The following SLC14A2 variants were observed in gnomAD, a reference collection of about 807,000 sequenced individuals.
The protein encoded by SLC14A2 is urea transporter 2.
Under a neutral mutation model 104.6 loss-of-function variants are expected in SLC14A2, and 91 were observed. That is an observed-to-expected ratio of 0.87 (90% confidence interval 0.73 to 1.04). SLC14A2 has a LOEUF of 1.04. SLC14A2 is among the 50% of genes least tolerant of loss of function. SLC14A2 has a pLI of 0.00. For synonymous variants in SLC14A2, 476 were observed against 466.4 expected, an observed-to-expected ratio of 1.02 and a Z score of -0.27; for missense variants, 1,189 against 1,156.0, an observed-to-expected ratio of 1.03 and a Z score of -0.41.
chr18:45,227,806 C>T (rs1361085413), intron 1 of SLC14A2, among the ~76,000 whole-genome samples: 2 of 152,204 alleles, frequency 1.3e-5, no homozygotes, highest in South Asian at 2.1e-4. Context: ...TTCATCTTTA[C>T]AGGCATGTAT....
chr18:45,438,063 A>G (rs993602), intron 1 of SLC14A2: 82,140 of 152,052 alleles, frequency 0.54, 22,460 homozygotes, highest in Admixed American at 0.67. Flanking sequence ...CTGAAACTGT[A>G]GAAGGGAACA....
In SLC14A2 at chr18:45,629,459, C is replaced by A. The variant is rs142884996; in HGVS notation, c.521+2312C>A. On this transcript the variant is annotated intron_variant, in intron 4 of 19. Transcript: ENST00000255226. ...CATGGGCAGCTGGCACAGAACTGAGCCCCTGGCAGATCAGCCCATGCCTCA... is the reference window on the plus strand; with the variant it reads ...CATGGGCAGCTGGCACAGAACTGAGACCCTGGCAGATCAGCCCATGCCTCA... Among the ~76,000 whole-genome samples, 8 of 152,296 alleles carry A rather than the reference C, an allele frequency of 5.3e-5. No homozygotes were observed. The East Asian group carries it at 1.5e-3, about 29-fold the overall frequency.
chr18:45,622,161 G>A (rs537158923), intron 1 of SLC14A2, among the ~76,000 whole-genome samples: 1 of 152,330 alleles, frequency 6.6e-6, no homozygotes, highest in Admixed American at 6.5e-5. Context: ...ATGGCTTTGA[G>A]GAGAAACCTG....
intron 1 of SLC14A2, among the ~76,000 whole-genome samples, chr18:45,467,194 A>T (rs2087159801): frequency 6.6e-6 from 1 of 152,162 alleles, no homozygotes; most frequent in Non-Finnish European, 1.5e-5. Flanking sequence ...GATTGCAATT[A>T]ACAGATCAAA....
chr18:45,396,130 C>T (rs2086027654), intron 1 of SLC14A2, among the ~76,000 whole-genome samples: 1 of 152,046 alleles, frequency 6.6e-6, no homozygotes, highest in Admixed American at 6.6e-5. Context: ...ATCCATATTC[C>T]AGTTGTGCAG....
At chr18:45,539,946 A>C (rs77421476) in intron 2 of SLC14A2, among the ~76,000 whole-genome samples, 1 of 152,146 alleles carries the variant, frequency 6.6e-6, no homozygotes, top group African/African-American at 2.4e-5. Context: ...TCATGTGTTT[A>C]AAATACTGTA....
chr18:45,355,577 C>CAAAAAA (rs768389823), intron 1 of SLC14A2, among the ~76,000 whole-genome samples: 93 of 50,984 alleles, frequency 1.8e-3, no homozygotes, highest in Middle Eastern at 0.014. Context: ...TACTCTGTCT[C>CAAAAAA]AAAAAAAAAA....
At chr18:45,673,349 G>A (rs376964638) in intron 17 of SLC14A2, among the ~76,000 whole-genome samples, 14 of 152,286 alleles carry the variant, frequency 9.2e-5, no homozygotes, top group East Asian at 1.9e-4. Context: ...AGAAAGATTC[G>A]TTCTCCATTA....
intron 1 of SLC14A2, among the ~76,000 whole-genome samples, chr18:45,391,952 T>C (rs1009946668): frequency 2.0e-5 from 3 of 152,280 alleles, no homozygotes; most frequent in African/African-American, 7.2e-5. Flanking sequence ...TTGTCAATTC[T>C]GGCTTTTGTT....
At chr18:45,444,888 T>C (rs1598826810) in intron 1 of SLC14A2, among the ~76,000 whole-genome samples, 1 of 152,214 alleles carries the variant, frequency 6.6e-6, no homozygotes, top group Non-Finnish European at 1.5e-5. Flanking sequence ...TCAATTCAGC[T>C]AATAGCCCAT....
intron 1 of SLC14A2, among the ~76,000 whole-genome samples, chr18:45,259,336 G>A (rs1001719324): frequency 1.3e-5 from 2 of 152,132 alleles, no homozygotes; most frequent in Non-Finnish European, 2.9e-5. Flanking sequence ...ACAACCCAGG[G>A]CAGGGGAAAG....
intron 1 of SLC14A2, among the ~76,000 whole-genome samples, chr18:45,385,426 G>A (rs1185191830): frequency 6.6e-6 from 1 of 152,170 alleles, no homozygotes; most frequent in Non-Finnish European, 1.5e-5. Context: ...TGAGACACGG[G>A]ATTCAAATCA....
rs139048592 is a variant in SLC14A2, at chr18:45,643,140, T to C, written c.1135T>C (p.Cys379Arg). 4.4e-4 allele frequency: 707 copies of C among 1,614,178 alleles called. 6 individuals carry two copies. The African/African-American group carries it at 8.9e-3, about 20-fold the overall frequency. ...HLLALICALF[C>R]AYMEAAISNI... ...TCCTTGTTCCTCCACAGCCCTGTTC[T>C]GTGCATACATGGAAGCAGCCATCTC... is the stretch of plus-strand genomic sequence containing the variant. The change falls in exon 9 of 20, where the codon TGT (cysteine) becomes CGT (arginine). Residue 379 changes from cysteine to arginine, a missense_variant. Transcript: ENST00000255226.
chr18:45,529,085 C>G (rs546630413), intron 2 of SLC14A2: 2 of 152,200 alleles, frequency 1.3e-5, no homozygotes, highest in Non-Finnish European at 2.9e-5. Flanking sequence ...GCTAAGTGAC[C>G]TGAGGGAACA....
chr18:45,229,080 C>T (rs189824746), intron 1 of SLC14A2, among the ~76,000 whole-genome samples: 1 of 152,322 alleles, frequency 6.6e-6, no homozygotes, highest in East Asian at 1.9e-4. Context: ...TGTTTCCCTG[C>T]TTTTGCACTG....
At chr18:45,613,251 T>C (rs1024162879), upstream of SLC14A2, among the ~76,000 whole-genome samples, 3 of 152,074 alleles carry the variant, frequency 2.0e-5, no homozygotes, top group African/African-American at 7.2e-5. Context: ...CTTGATCTCC[T>C]GACCTCGTGA....
intron 18 of SLC14A2, among the ~76,000 whole-genome samples, chr18:45,675,034 C>A (rs368970443): frequency 2.0e-5 from 3 of 152,180 alleles, no homozygotes; most frequent in African/African-American, 4.8e-5. Context: ...TCATTAAACT[C>A]CCCACCCCCT....
chr18:45,589,660 C>T (rs893638012), intron 2 of SLC14A2, among the ~76,000 whole-genome samples: 5 of 152,210 alleles, frequency 3.3e-5, no homozygotes, highest in African/African-American at 1.2e-4. Flanking sequence ...CAGCCTCCCG[C>T]TGAGCCGCCT....
the SLC14A2 span, among the ~76,000 whole-genome samples, chr18:45,190,476 T>C: frequency 5.3e-5 from 8 of 152,166 alleles, no homozygotes; most frequent in Non-Finnish European, 1.2e-4. Context: ...GTGGGTCTAA[T>C]AGTCTGCATT....
Sources: allele counts gnomAD v4.1 joint callset (sites outside exome capture counted in the v4.1 genomes callset), GRCh38; gene constraint gnomAD v4.1.1; transcripts MANE v1.5; gene names NCBI Gene and HGNC (gene_info 2026-07-23, HGNC 2026-07-21).